The following IPO8 variants were observed in gnomAD, a reference collection of about 807,000 sequenced individuals.
The protein encoded by IPO8 is importin 8.
Under a neutral mutation model 141.2 loss-of-function variants are expected in IPO8, and 65 were observed. The observed-to-expected ratio is 0.46, with a 90% confidence interval of 0.38 to 0.57. The LOEUF (loss-of-function observed/expected upper bound fraction) is 0.57, where lower values mean the gene tolerates loss of function less well. IPO8 is among the 20% of genes least tolerant of loss of function. IPO8 has a pLI of 0.00. For synonymous variants in IPO8, 411 were observed against 420.3 expected (o/e 0.98, Z 0.27); for missense variants, 980 against 1,246.8 (o/e 0.79, Z 3.22).
intron 3 of IPO8, among the ~76,000 whole-genome samples, chr12:30,683,285 A>G (rs1484090965): frequency 6.6e-6 from 1 of 152,186 alleles, no homozygotes; most frequent in Non-Finnish European, 1.5e-5. Context: ...TAACCAGTAC[A>G]CCTATTTTCT....
chr12:30,636,881 A>C, intron 22 of IPO8, 101 bp downstream of exon 22: 1 of 982,088 alleles, frequency 1.0e-6, no homozygotes, highest in East Asian at 2.6e-5. Context: ...AGGCCGAAGA[A>C]TGTAAATCTG....
chr12:30,672,957 T>TA (rs140703917), intron 8 of IPO8, among the ~76,000 whole-genome samples: 1,953 of 147,612 alleles, frequency 0.013, 28 homozygotes, highest in East Asian at 0.084. Context: ...AAGAGCTATT[T>TA]AAAAAAAAAA....
At chr12:30,685,681 T>C (rs1024686109) in intron 2 of IPO8, among the ~76,000 whole-genome samples, 8 of 151,084 alleles carry the variant, frequency 5.3e-5, no homozygotes, top group Non-Finnish European at 1.0e-4. Context: ...TCCCAGCACT[T>C]TGGGAGGCCG....
At chr12:30,674,623 G>T in intron 7 of IPO8, 36 bp downstream of exon 7, 1 of 1,377,544 alleles carries the variant, frequency 7.3e-7, no homozygotes, top group Non-Finnish European at 1.0e-6. Flanking sequence ...TGAGATACTG[G>T]CTGTATGATC....
At chr12:30,683,885 A>G (rs951216124) in intron 3 of IPO8, among the ~76,000 whole-genome samples, 1 of 152,196 alleles carries the variant, frequency 6.6e-6, no homozygotes, top group African/African-American at 2.4e-5. Flanking sequence ...ATAAATGTGA[A>G]TAAAAATACA....
At position 30,665,826 on chromosome 12, in the gene IPO8, G is replaced by A. The variant is rs1418524384; in HGVS notation, c.1241C>T (p.Ala414Val). ...GTCTGTCAGGATTTGATAACAGAAT[G>A]CCATCATTTTTGGCAACACCTAAAG... ...KRKEVLPKMM[A>V]FCYQILTDPN... The change falls in exon 12 of 25, where the codon GCA (alanine) becomes GTA (valine). Residue 414 changes from alanine to valine, a missense_variant. Around this residue, in one of 3 missense-constraint regions of IPO8, gnomAD observed 924 missense variants for 1,153.9 expected, o/e 0.80. Coordinates refer to ENST00000256079, the MANE Select transcript of IPO8 (RefSeq NM_006390.4). The A allele has an allele frequency of 6.2e-7, 1 of 1,612,706 alleles. No individual in the cohort carries two copies. Among genetic ancestry groups the A allele is most frequent in the Non-Finnish European group, 8.5e-7 (1 of 1,179,136 alleles).
chr12:30,656,874 T>C (rs1045577696), intron 16 of IPO8, 124 bp from the exon 17 acceptor site: 2 of 454,308 alleles, frequency 4.4e-6, no homozygotes, highest in South Asian at 5.1e-5. Flanking sequence ...CTAAACTTCA[T>C]GTGAAAAACT....
chr12:30,662,669 C>A, intron 14 of IPO8, 182 bp from the exon 15 acceptor site: 1 of 620,488 alleles, frequency 1.6e-6, no homozygotes, highest in Non-Finnish European at 2.9e-6. Context: ...ATCAGTTTCC[C>A]AAGAGTAATA....
At chr12:30,655,129 G>C (rs1415159643) in intron 17 of IPO8, among the ~76,000 whole-genome samples, 1 of 152,088 alleles carries the variant, frequency 6.6e-6, no homozygotes, top group Admixed American at 6.5e-5. Context: ...TTAATTAAAG[G>C]CCACAGTTTA....
chr12:30,669,307 G>GT (rs2053015255), intron 9 of IPO8, 25 bp from the exon 10 acceptor site: 2 of 941,580 alleles, frequency 2.1e-6, no homozygotes, highest in African/African-American at 3.9e-5. Context: ...AAAAAAAAAC[G>GT]TAACAAATGG....
chr12:30,668,032 A>C (rs1037054330), intron 10 of IPO8, among the ~76,000 whole-genome samples: 4 of 147,566 alleles, frequency 2.7e-5, no homozygotes, highest in Admixed American at 2.7e-4. Flanking sequence ...TTGGAGGCTG[A>C]GGTGGGAGAG....
intron 12 of IPO8, 24 bp from the exon 13 acceptor site, chr12:30,665,333 TATCA>T (rs2052947565): frequency 7.6e-7 from 1 of 1,323,344 alleles, no homozygotes; most frequent in Admixed American, 1.9e-5. Context: ...AATTTCAACT[TATCA>T]ATTTCTTTTT....
chr12:30,631,575 T>G (rs2052433045), intron 24 of IPO8: 3 of 198,920 alleles, frequency 1.5e-5, no homozygotes, highest in Non-Finnish European at 3.1e-5. Flanking sequence ...TTGAAATGTT[T>G]AGGGGAGTGA....
Position 30,663,672 on chromosome 12 carries a change from G to GT in IPO8, c.1429-19dup, listed in dbSNP as rs761105653. ...CAGCAAGACTGTATTATTAAAAAAG[G>GT]TAAGTAGGGAGCTATTAGGATTATA... On this transcript the variant is annotated intron_variant, in intron 13 of 24. Coordinates refer to ENST00000256079, the MANE Select transcript of IPO8 (RefSeq NM_006390.4). 1 of 1,579,706 alleles carries GT rather than the reference G, an allele frequency of 6.3e-7. No individual in the cohort carries two copies. The highest frequency in any genetic ancestry group is 1.4e-5 in the African/African-American group (1 of 73,910).
chr12:30,632,491 T>C (rs1345148292), intron 23 of IPO8, among the ~76,000 whole-genome samples: 2 of 152,082 alleles, frequency 1.3e-5, no homozygotes, highest in African/African-American at 4.8e-5. Context: ...TTTAACAATT[T>C]CCTCCCAAAC....
chr12:30,690,454 T>C (rs1320974994), intron 2 of IPO8, 42 bp downstream of exon 2: 1 of 1,106,148 alleles, frequency 9.0e-7, no homozygotes, highest in Non-Finnish European at 1.3e-6. Flanking sequence ...CATTCTACTC[T>C]CACCTATAAA....
rs567611336 is a variant in IPO8 at position 30,630,012 on chromosome 12, T to C, written c.*848A>G. On this transcript the variant is annotated 3_prime_UTR_variant, in exon 25 of 25. Coordinates refer to ENST00000256079, the MANE Select transcript of IPO8 (RefSeq NM_006390.4). The stretch of plus-strand genomic sequence containing the variant: ...TGCTTTAGGTATGATTATCAATTAA[T>C]TGCATAATTACATTATTCAGAATAT... The C allele has an allele frequency of 6.6e-6, 1 of 152,330 alleles. No homozygotes were observed. Among genetic ancestry groups the C allele is most frequent in the East Asian group, 1.9e-4 (1 of 5,190 alleles). 9.4% of individuals were successfully genotyped at this position (152,330 alleles called of 1,614,324 possible).
intron 2 of IPO8, chr12:30,686,712 A>T (rs866050433): frequency 5.9e-5 from 9 of 152,214 alleles, no homozygotes; most frequent in African/African-American, 1.7e-4. Context: ...TTTGATCCCT[A>T]TAGAACTAGT....
At position 30,684,845 on chromosome 12, in the gene IPO8, G is replaced by C. The variant is rs1000848368; in HGVS notation, c.167-388C>G. 3.3e-5 allele frequency among the ~76,000 whole-genome samples: 5 copies of C among 152,032 alleles called. No homozygotes were observed. The East Asian group carries it at 7.7e-4, about 24-fold the overall frequency. On this transcript the variant is annotated intron_variant, in intron 2 of 24. Transcript: ENST00000256079. ...TTTTTTGTTTTTTGTTTTCCCACTG[G>C]CTACTGTCAAACACTAGCATTTTGG... is the stretch of plus-strand genomic sequence containing the variant.
Sources: allele counts gnomAD v4.1 joint callset (sites outside exome capture counted in the v4.1 genomes callset), GRCh38; gene constraint gnomAD v4.1.1; regional missense constraint gnomAD v4.1.1; transcripts MANE v1.5; gene names NCBI Gene and HGNC (gene_info 2026-07-23, HGNC 2026-07-21).